The following STK32B variants were observed in gnomAD, a reference collection of about 807,000 sequenced individuals.
STK32B encodes the protein serine/threonine-protein kinase 32B.
Under a neutral mutation model 52.6 loss-of-function variants are expected in STK32B, and 43 were observed. That is an observed-to-expected ratio of 0.82 (90% confidence interval 0.64 to 1.05). The LOEUF (loss-of-function observed/expected upper bound fraction) is 1.05, where lower values mean the gene tolerates loss of function less well. Ranked by LOEUF, STK32B falls within the 50% of genes least tolerant of loss-of-function variation. STK32B has a pLI of 0.00. For synonymous variants in STK32B, 238 were observed against 204.3 expected (o/e 1.17, Z -1.41); for missense variants, 621 against 534.6 (o/e 1.16, Z -1.59).
At chr4:5,093,792 G>A (rs1232095698) in intron 1 of STK32B, among the ~76,000 whole-genome samples, 1 of 152,188 alleles carries the variant, frequency 6.6e-6, no homozygotes, top group African/African-American at 2.4e-5. Context: ...CCTGTGAATA[G>A]TGATCTCTTG....
intron 1 of STK32B, among the ~76,000 whole-genome samples, chr4:5,064,115 G>A (rs1317111327): frequency 6.6e-6 from 1 of 151,434 alleles, no homozygotes; most frequent in East Asian, 1.9e-4. Flanking sequence ...AGCCTTTTAT[G>A]ATATCTGTTG....
rs1464238319 is a variant in STK32B, at chr4:5,159,718, A to AAT, written c.109-8580_109-8579dup. Among the ~76,000 whole-genome samples, 17 of 108,818 alleles carry AAT rather than the reference A, an allele frequency of 1.6e-4. 2 individuals carry two copies. Among genetic ancestry groups the AAT allele is most frequent in the African/African-American group, 8.8e-4 (17 of 19,398 alleles). 71.4% of individuals were successfully genotyped at this position (108,818 alleles called of 152,430 possible). ...ATGAATATATATGAATATATATATG[A>AAT]ATGTATATGAATATATATATGAATA... On this transcript the variant is annotated intron_variant, in intron 2 of 11. Transcript: ENST00000282908.
chr4:5,032,686 T>G, the STK32B span, among the ~76,000 whole-genome samples: 1 of 152,166 alleles, frequency 6.6e-6, no homozygotes, highest in Non-Finnish European at 1.5e-5. Context: ...TTTTACAATT[T>G]GGTGTTAAAT....
chr4:5,335,548 T>C (rs534361330), intron 4 of STK32B, among the ~76,000 whole-genome samples: 1,998 of 151,956 alleles, frequency 0.013, 32 homozygotes, highest in East Asian at 0.072. Flanking sequence ...TCTTGCTTTT[T>C]TAGTTCTTTA....
the STK32B span, among the ~76,000 whole-genome samples, chr4:5,021,362 G>A: frequency 9.2e-5 from 14 of 152,290 alleles, 1 homozygote; most frequent in African/African-American, 2.6e-4. Flanking sequence ...CGCGGCCTTC[G>A]GGCAGAACTG....
At chr4:5,132,862 G>A (rs1715863483) in intron 1 of STK32B, among the ~76,000 whole-genome samples, 1 of 151,630 alleles carries the variant, frequency 6.6e-6, no homozygotes, top group Non-Finnish European at 1.5e-5. Context: ...GCAGTCGTGT[G>A]ATCTTGGCTC....
Position 5,399,540 on chromosome 4 carries a change from C to T in STK32B, c.472+1296C>T, listed in dbSNP as rs527968928. 2.6e-5 allele frequency among the ~76,000 whole-genome samples: 4 copies of T among 152,236 alleles called. No homozygotes were observed. In the East Asian group the frequency reaches 5.8e-4, roughly 22 times the overall value. ...TCCTGAATGGAAGGTCAGCAGCAGCCCCAAGATGCCTGGGGCATGGACAGA... is the reference window on the plus strand; with the variant it reads ...TCCTGAATGGAAGGTCAGCAGCAGCTCCAAGATGCCTGGGGCATGGACAGA... On this transcript the variant is annotated intron_variant, in intron 5 of 11. Transcript: ENST00000282908. The surrounding 1 kb of genome is among the most constrained non-coding windows in gnomAD (Gnocchi z 5.4).
At chr4:5,334,157 C>T (rs1022841302) in intron 4 of STK32B, among the ~76,000 whole-genome samples, 2 of 151,854 alleles carry the variant, frequency 1.3e-5, no homozygotes, top group African/African-American at 2.4e-5. Flanking sequence ...TTTCATTGAG[C>T]AGTGGTTTGT....
At chr4:5,226,079 C>T (rs1442586987) in intron 3 of STK32B, among the ~76,000 whole-genome samples, 1 of 152,082 alleles carries the variant, frequency 6.6e-6, no homozygotes, top group African/African-American at 2.4e-5. Context: ...CTTTTAAAAT[C>T]GATTAAATAA....
At chr4:5,451,217 G>A (rs990418859) in intron 7 of STK32B, among the ~76,000 whole-genome samples, 13 of 152,200 alleles carry the variant, frequency 8.5e-5, no homozygotes, top group African/African-American at 2.9e-4. Flanking sequence ...TGCTGACTTA[G>A]GTTTAGAGGA....
chr4:5,443,479 A>G (rs1036617595), intron 6 of STK32B, among the ~76,000 whole-genome samples: 57 of 151,806 alleles, frequency 3.8e-4, no homozygotes, highest in Middle Eastern at 3.4e-3. Context: ...ACTCCTCTGT[A>G]TTGGTTATTC....
At chr4:5,051,090 C>A (rs2108749724), upstream of STK32B, among the ~76,000 whole-genome samples, 1 of 152,260 alleles carries the variant, frequency 6.6e-6, no homozygotes, top group South Asian at 2.1e-4. Context: ...AGCCAGCAGA[C>A]ACTCCACTGC....
chr4:5,496,118 G>T (rs1167821450), intron 11 of STK32B, among the ~76,000 whole-genome samples: 1 of 152,222 alleles, frequency 6.6e-6, no homozygotes, highest in African/African-American at 2.4e-5. Flanking sequence ...CTGTCAGACA[G>T]GGACATTTAA....
Position 5,061,595 on chromosome 4 carries a change from T to A in STK32B, c.52+9680T>A, listed in dbSNP as rs1742220436. Among the ~76,000 whole-genome samples, 4 of 152,236 alleles carry A rather than the reference T, an allele frequency of 2.6e-5. No individual in the cohort carries two copies. The South Asian group carries it at 8.3e-4, about 32-fold the overall frequency. On this transcript the variant is annotated intron_variant, in intron 1 of 11. Transcript: ENST00000282908. ...AGGCTTTGAATGATATTATATTTCC[T>A]AGAAAGATTTTCCTTCTGGTCTTTG...
chr4:5,149,554 C>T (rs1318156089), intron 2 of STK32B, among the ~76,000 whole-genome samples: 12 of 151,920 alleles, frequency 7.9e-5, no homozygotes. Flanking sequence ...ATTTATTTTA[C>T]AGTCTGCTGA....
chr4:5,043,147 A>C, the STK32B span, among the ~76,000 whole-genome samples: 18 of 149,358 alleles, frequency 1.2e-4, no homozygotes, highest in Admixed American at 1.2e-3. Flanking sequence ...CCTGTGCAGC[A>C]TGAATACCCT....
intron 3 of STK32B, among the ~76,000 whole-genome samples, chr4:5,180,194 G>A (rs1185266942): frequency 3.3e-5 from 5 of 152,170 alleles, no homozygotes; most frequent in Non-Finnish European, 5.9e-5. Context: ...CAGAAAGCAG[G>A]GCCCCAAGCA....
intron 11 of STK32B, among the ~76,000 whole-genome samples, chr4:5,494,940 G>A (rs577292788): frequency 7.2e-5 from 11 of 152,284 alleles, no homozygotes; most frequent in Admixed American, 3.3e-4. Flanking sequence ...TCTGCCTAGC[G>A]ATCAGCTGTT....
intron 4 of STK32B, among the ~76,000 whole-genome samples, chr4:5,332,472 CTTCTT>C (rs1337151246): frequency 1.3e-5 from 2 of 152,092 alleles, no homozygotes; most frequent in African/African-American, 2.4e-5. Context: ...TTGTTGAAAA[CTTCTT>C]TTTATTTTTA....
Sources: allele counts gnomAD v4.1 joint callset (sites outside exome capture counted in the v4.1 genomes callset), GRCh38; gene constraint gnomAD v4.1.1; non-coding constraint Gnocchi (gnomAD v3.1); transcripts MANE v1.5; gene names NCBI Gene and HGNC (gene_info 2026-07-23, HGNC 2026-07-21).